The following CDH13 variants were observed in gnomAD, a reference collection of about 807,000 sequenced individuals.
CDH13 encodes cadherin-13.
A neutral mutation model predicts 63.8 loss-of-function variants in CDH13; 24 were observed. The observed-to-expected ratio is 0.38, with a 90% CI of 0.27 to 0.53. CDH13 has a LOEUF of 0.53. CDH13 is among the 20% of genes least tolerant of loss of function. The pLI, the probability that CDH13 is intolerant of heterozygous loss-of-function variation, is 0.85. For missense variants in CDH13, 1,049 were observed against 903.1 expected (o/e 1.16, Z -2.07); for synonymous variants, 503 against 355.3 (o/e 1.42, Z -4.67).
In CDH13 at chr16:82,644,495, C is replaced by T. The variant is rs1851453534; in HGVS notation, c.45+17358C>T. 6.6e-6 allele frequency among the ~76,000 whole-genome samples: 1 copy of T among 152,176 alleles called. No individual in the cohort carries two copies. Among genetic ancestry groups the T allele is most frequent in the South Asian group, 2.1e-4 (1 of 4,834 alleles). The stretch of plus-strand genomic sequence containing the variant: ...AATGCTGAGTGACAAAGCCATTAGC[C>T]ATGCACAGTGAAACAAGGAAAGCAG... On this transcript the variant is annotated intron_variant, in intron 1 of 13. Transcript: ENST00000567109. This position sits in a 1 kb window ranked among gnomAD's most constrained non-coding sequence, Gnocchi z 5.7.
At chr16:83,471,664 G>A (rs1194847385) in intron 6 of CDH13, among the ~76,000 whole-genome samples, 6 of 152,146 alleles carry the variant, frequency 3.9e-5, no homozygotes, top group African/African-American at 1.4e-4. Flanking sequence ...CCTCCCCAGT[G>A]AGTAAACTGA....
chr16:83,486,149 T>A lies in CDH13; in HGVS notation c.782-328T>A, dbSNP rs539917185. Among the ~76,000 whole-genome samples, 214 of 89,756 alleles carry A rather than the reference T, an allele frequency of 2.4e-3. 5 individuals carry two copies. In the South Asian group the frequency reaches 0.053, roughly 22 times the overall value. 58.9% of individuals were successfully genotyped at this position (89,756 alleles called of 152,430 possible). A position where few individuals can be genotyped will look rare whatever the true frequency, so the allele number is the denominator to read the frequency against. On this transcript the variant is annotated intron_variant, in intron 6 of 13. Coordinates refer to ENST00000567109, the MANE Select transcript of CDH13 (RefSeq NM_001257.5). ...CAGAGCGAGACTCTGTCTAAAAAAA[T>A]GAATGTCCCTGTCACAAAGCCACAT... is the stretch of plus-strand genomic sequence containing the variant.
chr16:82,849,017 G>A (rs2039377059), intron 1 of CDH13, among the ~76,000 whole-genome samples: 1 of 152,160 alleles, frequency 6.6e-6, no homozygotes, highest in African/African-American at 2.4e-5. Context: ...CATGGAGAAA[G>A]TTTTAGTGGT....
At chr16:82,697,577 C>A (rs980421784) in intron 1 of CDH13, among the ~76,000 whole-genome samples, 2 of 151,470 alleles carry the variant, frequency 1.3e-5, no homozygotes, top group Non-Finnish European at 2.9e-5. Flanking sequence ...TACAGGTGCC[C>A]GCCACTATGC....
At chr16:83,361,456 T>C (rs181132345) in intron 6 of CDH13, among the ~76,000 whole-genome samples, 64 of 152,318 alleles carry the variant, frequency 4.2e-4, no homozygotes, top group African/African-American at 1.5e-3. Flanking sequence ...TGTCAATTTT[T>C]GTTTTCCTTG....
At chr16:83,744,742 G>C (rs1912410660) in intron 10 of CDH13, among the ~76,000 whole-genome samples, 1 of 152,196 alleles carries the variant, frequency 6.6e-6, no homozygotes, top group Non-Finnish European at 1.5e-5. Flanking sequence ...GTCAGCTTCA[G>C]TTTGCCCTCA....
intron 6 of CDH13, among the ~76,000 whole-genome samples, chr16:83,464,990 C>T (rs1273240051): frequency 2.0e-5 from 3 of 152,152 alleles, no homozygotes; most frequent in Non-Finnish European, 2.9e-5. Flanking sequence ...GGGAATGACA[C>T]AGTTTCTCAT....
rs376469063 is a variant in CDH13, at chr16:83,689,501, TA to T, written c.1538+11042del. ...ATCATGGCATTAACCCTAACACGGG[TA>T]ATGAAACCACAGGCAGTGAGTCATG... On this transcript the variant is annotated intron_variant, in intron 10 of 13. Transcript: ENST00000567109. 1.0e-3 allele frequency among the ~76,000 whole-genome samples: 152 copies of T among 152,324 alleles called. 2 individuals carry two copies. The highest frequency in any genetic ancestry group is 3.5e-3 in the African/African-American group (145 of 41,578).
At chr16:83,066,243 G>A (rs925240323) in intron 3 of CDH13, among the ~76,000 whole-genome samples, 3 of 152,140 alleles carry the variant, frequency 2.0e-5, no homozygotes, top group African/African-American at 7.2e-5. Flanking sequence ...TAAGCTCTAG[G>A]GGAATCAGTT....
At chr16:83,237,189 A>G in intron 5 of CDH13, among the ~76,000 whole-genome samples, 1 of 152,184 alleles carries the variant, frequency 6.6e-6, no homozygotes, top group South Asian at 2.1e-4. Flanking sequence ...AGAGGCCCTC[A>G]AGAGAAGGTC....
chr16:83,553,605 G>A (rs2075550178), intron 7 of CDH13, among the ~76,000 whole-genome samples: 1 of 152,190 alleles, frequency 6.6e-6, no homozygotes, highest in Admixed American at 6.5e-5. Context: ...CGCCCAGGCT[G>A]GAGTGCTGAG....
intron 6 of CDH13, among the ~76,000 whole-genome samples, chr16:83,450,165 G>C (rs1048332070): frequency 1.3e-5 from 2 of 152,212 alleles, no homozygotes; most frequent in Non-Finnish European, 2.9e-5. Flanking sequence ...GGTGGAGAAA[G>C]TGCACATTCC....
chr16:83,434,984 A>ATAT (rs1567670701), intron 6 of CDH13, among the ~76,000 whole-genome samples: 2,312 of 144,188 alleles, frequency 0.016, 28 homozygotes, highest in Non-Finnish European at 0.025. Context: ...TAAATAAATA[A>ATAT]ATATATATAT....
intron 4 of CDH13, among the ~76,000 whole-genome samples, chr16:83,191,245 A>C (rs1410742158): frequency 3.4e-5 from 5 of 145,412 alleles, no homozygotes; most frequent in African/African-American, 1.3e-4. Flanking sequence ...CCACTGGGAC[A>C]GAATAAGCCT....
At chr16:83,009,492 GCA>G (rs1179411851) in intron 2 of CDH13, among the ~76,000 whole-genome samples, 3 of 152,080 alleles carry the variant, frequency 2.0e-5, no homozygotes, top group Admixed American at 6.5e-5. Context: ...ATTCTAGACA[GCA>G]GGCATCATGA....
intron 2 of CDH13, among the ~76,000 whole-genome samples, chr16:83,008,511 C>G (rs145161358): frequency 0.012 from 1,780 of 152,288 alleles, 13 homozygotes; most frequent in Non-Finnish European, 0.016. Flanking sequence ...AAAATGCGTA[C>G]AACAAAGTAT....
Position 83,678,218 on chromosome 16 carries a change from A to T in CDH13, c.1295A>T (p.Tyr432Phe). Reference protein sequence around the residue: ...GMLSVVKPLDYEISAFHTLLI... With the variant: ...GMLSVVKPLDFEISAFHTLLI... ...CTGTCTGCTTTCCAGCCATTGGACT[A>T]TGAAATTTCTGCCTTCCACACCCTG... The change falls in exon 10 of 14, where the codon TAT becomes TTT. Residue 432 changes from tyrosine (Y) to phenylalanine (F), a missense_variant. Physicochemically the swap from Tyr to Phe is conservative, Grantham distance 22 (BLOSUM62 3). Coordinates refer to ENST00000567109, the MANE Select transcript of CDH13 (RefSeq NM_001257.5). 1 of 1,611,800 alleles carries T rather than the reference A, an allele frequency of 6.2e-7. No individual in the cohort carries two copies. Among genetic ancestry groups the T allele is most frequent in the African/African-American group, 1.3e-5 (1 of 74,982 alleles).
intron 7 of CDH13, among the ~76,000 whole-genome samples, chr16:83,546,660 T>G (rs1274291993): frequency 6.6e-6 from 1 of 152,188 alleles, no homozygotes; most frequent in Admixed American, 6.5e-5. Context: ...GGTAGCGAAG[T>G]TTGGGGAGAC....
intron 10 of CDH13, chr16:83,740,160 G>A (rs912190335): frequency 2.0e-5 from 3 of 152,214 alleles, no homozygotes; most frequent in African/African-American, 7.2e-5. Context: ...GGGAGGCTGA[G>A]GAAAGAGGTA....
Sources: gnomAD v4.1 joint callset for allele counts (sites outside exome capture counted in the v4.1 genomes callset) on GRCh38, gnomAD v4.1.1 for gene constraint, Gnocchi (gnomAD v3.1) non-coding constraint, MANE v1.5 for transcripts, NCBI Gene and HGNC (gene_info 2026-07-23, HGNC 2026-07-21) for gene names.